Variants in CYS1 observed in about 807,000 individuals in gnomAD.
The protein encoded by CYS1 is cystin 1, also known as cystin-1.
CYS1 carries 5 observed loss-of-function variants against 9.6 expected under a neutral mutation model. The ratio of observed to expected loss-of-function variants is 0.52; its 90% CI spans 0.27 to 1.10. The LOEUF (loss-of-function observed/expected upper bound fraction) is 1.10, where lower values mean the gene tolerates loss of function less well. Ranked by LOEUF, CYS1 falls within the 50% of genes least tolerant of loss-of-function variation. The pLI is 0.11. For missense variants in CYS1, 221 were observed against 207.9 expected (o/e 1.06, Z -0.39); for synonymous variants, 88 against 95.7 (o/e 0.92, Z 0.47).
At chr2:10,069,835 G>T (rs1469645882) in intron 1 of CYS1, among the ~76,000 whole-genome samples, 1 of 152,196 alleles carries the variant, frequency 6.6e-6, no homozygotes, top group Admixed American at 6.6e-5. Flanking sequence ...CAGAGTAGCT[G>T]CTCCAAATAT....
chr2:10,064,493 A>G (rs890418237), intron 2 of CYS1, among the ~76,000 whole-genome samples: 51 of 152,162 alleles, frequency 3.4e-4, no homozygotes, highest in African/African-American at 1.1e-3. Flanking sequence ...CCTCTGCAGC[A>G]GCTTCTAACA....
At chr2:10,079,262 C>T (rs1661903576) in intron 1 of CYS1, among the ~76,000 whole-genome samples, 1 of 152,008 alleles carries the variant, frequency 6.6e-6, no homozygotes, top group South Asian at 2.1e-4. Flanking sequence ...CAAAGCCTCC[C>T]GGGCCTCAGG....
intron 1 of CYS1, among the ~76,000 whole-genome samples, chr2:10,068,219 CT>C (rs1165204227): frequency 2.0e-5 from 3 of 152,162 alleles, no homozygotes; most frequent in Non-Finnish European, 4.4e-5. Context: ...TTCTATAGTC[CT>C]TGTCCTTTGC....
At chr2:10,059,381 C>T (rs1490503611) in intron 2 of CYS1, among the ~76,000 whole-genome samples, 2 of 152,236 alleles carry the variant, frequency 1.3e-5, no homozygotes, top group African/African-American at 2.4e-5. Flanking sequence ...GATGTGGAAT[C>T]GAGCACACCA....
chr2:10,074,980 C>T (rs2125291732), intron 1 of CYS1, among the ~76,000 whole-genome samples: 2 of 152,294 alleles, frequency 1.3e-5, no homozygotes, highest in South Asian at 4.1e-4. Flanking sequence ...GGCATGGTGG[C>T]ACATGCCTGT....
At chr2:10,070,399 G>A (rs953468882) in intron 1 of CYS1, among the ~76,000 whole-genome samples, 4 of 152,174 alleles carry the variant, frequency 2.6e-5, no homozygotes, top group African/African-American at 9.7e-5. Context: ...AGGCTGGAGT[G>A]CAGTGGCGTG....
intron 2 of CYS1, among the ~76,000 whole-genome samples, chr2:10,060,622 C>G (rs1282311971): frequency 6.6e-6 from 1 of 152,232 alleles, no homozygotes. Flanking sequence ...ACTGTTGACG[C>G]CTGCAGGGCT....
chr2:10,061,277 G>C (rs938235198), intron 2 of CYS1, among the ~76,000 whole-genome samples: 6 of 151,394 alleles, frequency 4.0e-5, no homozygotes, highest in Non-Finnish European at 7.4e-5. Context: ...AAAAGGCAGA[G>C]TAAGGGACCA....
chr2:10,069,063 GA>G (rs543453001), intron 1 of CYS1, among the ~76,000 whole-genome samples: 94 of 143,142 alleles, frequency 6.6e-4, no homozygotes, highest in Admixed American at 1.8e-3. Context: ...CTCTGTCTCA[GA>G]AAAAAAAAAA....
At chr2:10,073,024 TG>T (rs1240137323) in intron 1 of CYS1, among the ~76,000 whole-genome samples, 1 of 136,610 alleles carries the variant, frequency 7.3e-6, no homozygotes, top group African/African-American at 2.8e-5. Context: ...GCAGAGCAGA[TG>T]TGTGGGAGCA....
chr2:10,065,966 GATGAA>G lies in CYS1; in HGVS notation c.319-15_319-11del. On this transcript the variant is annotated splice_polypyrimidine_tract_variant and intron_variant, in intron 1 of 2. Coordinates refer to ENST00000381813, the MANE Select transcript of CYS1 (RefSeq NM_001037160.3). Reference sequence around the variant, plus strand: ...TCTGCTCTGCGCACACCTTGAGAAAGATGAAATGAAGAGACATTCAAAGATTGTCA... The same window carrying G: ...TCTGCTCTGCGCACACCTTGAGAAAGATGAAGAGACATTCAAAGATTGTCA... 6.2e-7 allele frequency: 1 copy of G among 1,614,178 alleles called. No homozygotes were observed. Among genetic ancestry groups the G allele is most frequent in the Non-Finnish European group, 8.5e-7 (1 of 1,180,024 alleles).
chr2:10,057,450 G>A lies in CYS1; in HGVS notation c.*1403C>T, dbSNP rs1335440205. On this transcript the variant is annotated 3_prime_UTR_variant, in exon 3 of 3. Transcript: ENST00000381813. ...CCTGTGGGGCTGGGGACAGCGCCAA[G>A]GAGCTGGCCGTTGGTTCCTGAGATG... The A allele has an allele frequency of 6.6e-6, 1 of 152,312 alleles. No individual in the cohort carries two copies. The highest frequency in any genetic ancestry group is 1.9e-4 in the East Asian group (1 of 5,200). The allele number at this position is 152,312 out of a possible 1,614,324, so 9.4% of individuals were successfully genotyped here.
chr2:10,059,714 A>T (rs1661601058), intron 2 of CYS1, among the ~76,000 whole-genome samples: 1 of 152,218 alleles, frequency 6.6e-6, no homozygotes, highest in Admixed American at 6.5e-5. Flanking sequence ...AATAAAAAAT[A>T]AAAGGGAATT....
In CYS1 at chr2:10,058,572, G is replaced by A. The variant is rs1572452331; in HGVS notation, c.*281C>T. On this transcript the variant is annotated 3_prime_UTR_variant, in exon 3 of 3. Coordinates refer to ENST00000381813, the MANE Select transcript of CYS1 (RefSeq NM_001037160.3). ...AGAGGGGCACGCATTTCAGGCTCCA[G>A]AAGAACTGGGCAGGCTCCCCGCGTT... is the stretch of plus-strand genomic sequence containing the variant. 2.8e-6 allele frequency: 1 copy of A among 358,200 alleles called. No homozygotes were observed. Among genetic ancestry groups the A allele is most frequent in the Non-Finnish European group, 5.1e-6 (1 of 194,920 alleles). 22.2% of individuals were successfully genotyped at this position (358,200 alleles called of 1,614,324 possible).
rs1236653156 is a variant in CYS1 at position 10,063,782 on chromosome 2, G to A, written c.371+2122C>T. ...GCAGCGAGAAGCACAGTGGGTACAG[G>A]GCAGATGCTGCCAGCCCTGACCCTG... On this transcript the variant is annotated intron_variant, in intron 2 of 2. Coordinates refer to ENST00000381813, the MANE Select transcript of CYS1 (RefSeq NM_001037160.3). This position sits in a 1 kb window ranked among gnomAD's most constrained non-coding sequence, Gnocchi z 4.2. 6.6e-6 allele frequency among the ~76,000 whole-genome samples: 1 copy of A among 152,138 alleles called. No homozygotes were observed. The highest frequency in any genetic ancestry group is 1.5e-5 in the Non-Finnish European group (1 of 68,022).
intron 1 of CYS1, among the ~76,000 whole-genome samples, chr2:10,074,868 T>C (rs948548068): frequency 3.9e-5 from 6 of 152,106 alleles, no homozygotes; most frequent in Admixed American, 3.9e-4. Flanking sequence ...TCCCAGCACT[T>C]TGGGAGGCTG....
intron 1 of CYS1, among the ~76,000 whole-genome samples, chr2:10,066,556 T>C (rs963946870): frequency 2.0e-5 from 3 of 152,256 alleles, no homozygotes; most frequent in African/African-American, 7.2e-5. Context: ...GACAGTCCAC[T>C]TGTCTACCCG....
intron 1 of CYS1, among the ~76,000 whole-genome samples, chr2:10,068,977 G>T (rs1370250653): frequency 6.6e-6 from 1 of 152,142 alleles, no homozygotes; most frequent in Non-Finnish European, 1.5e-5. Flanking sequence ...CAGGAGAATT[G>T]CTTGAACCCA....
At chr2:10,074,440 CA>C (rs1271386753) in intron 1 of CYS1, among the ~76,000 whole-genome samples, 1 of 152,200 alleles carries the variant, frequency 6.6e-6, no homozygotes, top group Non-Finnish European at 1.5e-5. Context: ...CTCCTGCCCC[CA>C]TGCAGTCTCC....
Sources: gnomAD v4.1 joint callset for allele counts (sites outside exome capture counted in the v4.1 genomes callset) on GRCh38, gnomAD v4.1.1 for gene constraint, Gnocchi (gnomAD v3.1) non-coding constraint, MANE v1.5 for transcripts, NCBI Gene and HGNC (gene_info 2026-07-23, HGNC 2026-07-21) for gene names.